The following DLGAP5 variants were observed in gnomAD, a reference collection of about 807,000 sequenced individuals.
The protein encoded by DLGAP5 is disks large-associated protein 5.
DLGAP5 carries 90 observed loss-of-function variants against 99.6 expected under a neutral mutation model. That is an observed-to-expected ratio of 0.90 (90% CI 0.76 to 1.08). The LOEUF is 1.08. Ranked by LOEUF, DLGAP5 falls within the 50% of genes least tolerant of loss-of-function variation. DLGAP5 has a pLI of 0.00. For synonymous variants in DLGAP5, 311 were observed against 321.3 expected (o/e 0.97, Z 0.34); for missense variants, 1,036 against 983.5 (o/e 1.05, Z -0.71).
intron 15 of DLGAP5, among the ~76,000 whole-genome samples, chr14:55,153,540 CAAAAAAA>C (rs34557020): frequency 7.4e-6 from 1 of 135,036 alleles, no homozygotes; most frequent in Non-Finnish European, 1.6e-5. Flanking sequence ...CACTCCGTCT[CAAAAAAA>C]AAAAAAAAAT....
At chr14:55,152,878 T>C (rs777225844) in intron 15 of DLGAP5, among the ~76,000 whole-genome samples, 1 of 152,154 alleles carries the variant, frequency 6.6e-6, no homozygotes, top group African/African-American at 2.4e-5. Flanking sequence ...TCTGTTACCA[T>C]GGTGGTCAGT....
intron 10 of DLGAP5, among the ~76,000 whole-genome samples, chr14:55,172,758 C>T (rs533781778): frequency 3.9e-4 from 59 of 151,864 alleles, no homozygotes; most frequent in African/African-American, 1.3e-3. Context: ...CTGAGGCAAG[C>T]GGATCACAAG....
chr14:55,174,674 C>A (rs539802097), intron 10 of DLGAP5, among the ~76,000 whole-genome samples: 7 of 151,762 alleles, frequency 4.6e-5, no homozygotes, highest in African/African-American at 1.7e-4. Context: ...GGCAGATTCC[C>A]CGATATATAT....
chr14:55,177,458 AC>A lies in DLGAP5; in HGVS notation c.775-123del. 1.2e-5 allele frequency: 10 copies of A among 845,934 alleles called. No individual in the cohort carries two copies. The South Asian group carries it at 2.2e-4, about 18-fold the overall frequency. 52.4% of individuals were successfully genotyped at this position (845,934 alleles called of 1,614,324 possible). Reference sequence around the variant, plus strand: ...ATGTTCTATGTACATAATTTGAGAGACAAAAACAGATACAATTAAGTGTATA... The same window carrying A: ...ATGTTCTATGTACATAATTTGAGAGAAAAAACAGATACAATTAAGTGTATA... On this transcript the variant is annotated intron_variant, in intron 7 of 18. Coordinates refer to ENST00000247191, the MANE Select transcript of DLGAP5 (RefSeq NM_014750.5).
intron 13 of DLGAP5, among the ~76,000 whole-genome samples, 193 bp downstream of exon 13, chr14:55,162,778 T>G (rs1882494509): frequency 6.6e-6 from 1 of 152,202 alleles, no homozygotes; most frequent in Non-Finnish European, 1.5e-5. Context: ...TCCTTGCTCT[T>G]TCTTCAAAGG....
intron 12 of DLGAP5, among the ~76,000 whole-genome samples, chr14:55,168,949 G>A (rs1270087591): frequency 6.6e-6 from 1 of 152,010 alleles, no homozygotes; most frequent in Non-Finnish European, 1.5e-5. Context: ...GGCCGAGGTG[G>A]GTGGATCACG....
chr14:55,186,045 C>T (rs928697114), intron 2 of DLGAP5, among the ~76,000 whole-genome samples: 16 of 152,120 alleles, frequency 1.1e-4, no homozygotes, highest in African/African-American at 3.1e-4. Context: ...CTGAGGTGGG[C>T]GGTTCATCTG....
Position 55,148,183 on chromosome 14 carries a change from T to A in DLGAP5, c.*168A>T. ...TTGAAAATGTACAAAATATCCCCAC[T>A]TCCCTTGAGAAAGAGTATATCTAAA... On this transcript the variant is annotated 3_prime_UTR_variant, in exon 19 of 19. Coordinates refer to ENST00000247191, the MANE Select transcript of DLGAP5 (RefSeq NM_014750.5). 1 of 680,234 alleles carries A rather than the reference T, an allele frequency of 1.5e-6. No homozygotes were observed. Among genetic ancestry groups the A allele is most frequent in the Non-Finnish European group, 2.3e-6 (1 of 425,896 alleles). The allele number at this position is 680,234 out of a possible 1,614,324, so 42.1% of individuals were successfully genotyped here.
chr14:55,158,443 A>G, intron 14 of DLGAP5, 79 bp downstream of exon 14: 1 of 1,213,228 alleles, frequency 8.2e-7, no homozygotes, highest in South Asian at 1.4e-5. Flanking sequence ...CACCTTACAC[A>G]AGCCCCCATC....
chr14:55,173,272 C>CAAAAAAAAAAAAAAACAAAA (rs1882927882), intron 10 of DLGAP5, among the ~76,000 whole-genome samples: 1 of 106,752 alleles, frequency 9.4e-6, no homozygotes. Context: ...CCCGTCTCTA[C>CAAAAAAAAAAAAAAACAAAA]AAAAAAAAAA....
intron 18 of DLGAP5, chr14:55,148,744 AAAC>A: frequency 4.0e-6 from 2 of 503,408 alleles, no homozygotes; most frequent in South Asian, 2.1e-5. Context: ...ATAAAATTAT[AAAC>A]AACAATGATT....
chr14:55,154,714 T>C lies in DLGAP5; in HGVS notation c.1966A>G (p.Ile656Val), dbSNP rs141260005. 5.6e-6 allele frequency: 9 copies of C among 1,614,126 alleles called. No homozygotes were observed. Among genetic ancestry groups the C allele is most frequent in the South Asian group, 1.1e-5 (1 of 91,082 alleles). The stretch of plus-strand genomic sequence containing the variant: ...TCTGGTGATGTAGTTTGTTGTGGAA[T>C]GCCCATCTCATTTCTACTCTGAGAT... ...AVSQSRNEMG[I>V]PQQTTSPENA... Residue 656 changes from isoleucine (I) to valine (V), a missense_variant, in exon 15 of 19, where the codon ATT (isoleucine) becomes GTT (valine). Transcript: ENST00000247191.
At chr14:55,161,805 C>A (rs1444712803) in intron 13 of DLGAP5, among the ~76,000 whole-genome samples, 1 of 128,188 alleles carries the variant, frequency 7.8e-6, no homozygotes, top group Non-Finnish European at 1.6e-5. Context: ...ACTCAGGAGT[C>A]AGAGGTTGTG....
At chr14:55,187,627 CTTT>C (rs58942962) in intron 2 of DLGAP5, among the ~76,000 whole-genome samples, 14 of 145,182 alleles carry the variant, frequency 9.6e-5, no homozygotes, top group Admixed American at 2.1e-4. Context: ...TGATCCTTTT[CTTT>C]TTTTTTTTTT....
intron 1 of DLGAP5, 127 bp downstream of exon 1, chr14:55,191,336 G>T (rs1883612410): frequency 6.5e-6 from 1 of 152,744 alleles, no homozygotes; most frequent in South Asian, 2.1e-4. Context: ...GGAAGGGCAG[G>T]TAACACGGTC....
intron 12 of DLGAP5, among the ~76,000 whole-genome samples, chr14:55,168,827 T>C (rs1267589057): frequency 2.0e-5 from 3 of 152,128 alleles, no homozygotes; most frequent in Non-Finnish European, 4.4e-5. Flanking sequence ...TTCTCACAGG[T>C]CGAATCATTA....
rs1196852164 is a variant in DLGAP5, at chr14:55,179,663, C to T, written c.740G>A (p.Arg247Lys). 1.9e-6 allele frequency: 3 copies of T among 1,612,216 alleles called. No individual in the cohort carries two copies. In the Admixed American group the frequency reaches 5.0e-5, roughly 27 times the overall value. Residue 247 changes from arginine (R) to lysine (K), a missense_variant, in exon 7 of 19, where the codon AGA becomes AAA. Arg to Lys is a conservative substitution (Grantham distance 26). Transcript: ENST00000247191. Reference sequence around the variant, plus strand: ...TTTTGTTTCTACATTTTTGGCAGGTCTTCCTTTACTTGGCACCTTTCCTTC... The same window carrying T: ...TTTTGTTTCTACATTTTTGGCAGGTTTTCCTTTACTTGGCACCTTTCCTTC... ...EPEGKVPSKG[R>K]PAKNVETKPD... is the part of the protein sequence containing the mutation.
intron 13 of DLGAP5, among the ~76,000 whole-genome samples, chr14:55,161,963 T>C (rs1289782728): frequency 6.6e-6 from 1 of 150,694 alleles, no homozygotes; most frequent in African/African-American, 2.4e-5. Flanking sequence ...TAAGATAGGA[T>C]TTAAGACAGT....
At chr14:55,149,817 G>GA (rs1382826018) in intron 18 of DLGAP5, among the ~76,000 whole-genome samples, 1 of 27,430 alleles carries the variant, frequency 3.6e-5, no homozygotes, top group South Asian at 1.3e-3. Flanking sequence ...AATCGGGGCG[G>GA]GGGGGGGGCA....
Sources: allele counts gnomAD v4.1 joint callset (sites outside exome capture counted in the v4.1 genomes callset), GRCh38; gene constraint gnomAD v4.1.1; transcripts MANE v1.5; gene names NCBI Gene and HGNC (gene_info 2026-07-23, HGNC 2026-07-21).